Variants in ANKRD10 observed in about 807,000 individuals in gnomAD.
ANKRD10 encodes the protein ankyrin repeat domain 10, also known as ankyrin repeat domain-containing protein 10.
ANKRD10 carries 14 observed loss-of-function variants against 27.0 expected under a neutral mutation model. The observed-to-expected ratio is 0.52, with a 90% CI of 0.34 to 0.81. ANKRD10 has a LOEUF of 0.81. Ranked by LOEUF, ANKRD10 falls within the 40% of genes least tolerant of loss-of-function variation. The pLI is 0.01. For synonymous variants in ANKRD10, 250 were observed against 224.5 expected, an observed-to-expected ratio of 1.11 and a Z score of -1.01; for missense variants, 493 against 544.0, an observed-to-expected ratio of 0.91 and a Z score of 0.93.
intron 2 of ANKRD10, 139 bp from the exon 3 acceptor site, chr13:110,906,263 C>T (rs2138878824): frequency 1.5e-6 from 1 of 673,214 alleles, no homozygotes. Context: ...TGAAGCAGAA[C>T]ACAAAGAAAT....
At chr13:110,897,339 G>C (rs752835814) in intron 3 of ANKRD10, among the ~76,000 whole-genome samples, 1 of 143,802 alleles carries the variant, frequency 7.0e-6, no homozygotes, top group Non-Finnish European at 1.5e-5. Context: ...GCTCAGGCTG[G>C]TCTCAAACTC....
intron 3 of ANKRD10, among the ~76,000 whole-genome samples, chr13:110,897,795 A>G (rs1466485316): frequency 1.3e-5 from 2 of 152,198 alleles, no homozygotes; most frequent in Admixed American, 1.3e-4. Flanking sequence ...TAACGGTTGT[A>G]CAAGTCTACA....
intron 1 of ANKRD10, among the ~76,000 whole-genome samples, chr13:110,914,293 C>G (rs1439123218): frequency 6.6e-6 from 1 of 152,194 alleles, no homozygotes; most frequent in Non-Finnish European, 1.5e-5. Context: ...TCCCCGGAAG[C>G]CGCCTGGGCG....
At chr13:110,900,841 A>G (rs372675416) in intron 3 of ANKRD10, 52 of 446,116 alleles carry the variant, frequency 1.2e-4, no homozygotes, top group African/African-American at 1.0e-3. Flanking sequence ...CATAGACAAC[A>G]TAAGGTGCAG....
chr13:110,883,934 C>G, intron 4 of ANKRD10, 141 bp from the exon 5 acceptor site: 1 of 932,578 alleles, frequency 1.1e-6, no homozygotes, highest in Non-Finnish European at 1.5e-6. Context: ...CACTAATGAG[C>G]TTAGCACACA....
intron 3 of ANKRD10, chr13:110,900,803 T>C: frequency 1.5e-6 from 1 of 652,560 alleles, no homozygotes; most frequent in East Asian, 5.6e-5. Flanking sequence ...GGATCACATA[T>C]TTGCAGGCAA....
chr13:110,895,297 C>G (rs1221100817), intron 3 of ANKRD10: 1 of 152,152 alleles, frequency 6.6e-6, no homozygotes, highest in Non-Finnish European at 1.5e-5. Flanking sequence ...ATCATAAATA[C>G]CATGCTGGGC....
At chr13:110,899,391 A>G (rs1373379728) in intron 3 of ANKRD10, among the ~76,000 whole-genome samples, 3 of 152,174 alleles carry the variant, frequency 2.0e-5, no homozygotes, top group African/African-American at 2.4e-5. Flanking sequence ...GCCTGACCTA[A>G]AACGTGTGTC....
intron 3 of ANKRD10, among the ~76,000 whole-genome samples, chr13:110,896,469 A>T (rs191480569): frequency 1.3e-3 from 194 of 152,316 alleles, no homozygotes; most frequent in Non-Finnish European, 2.4e-3. Flanking sequence ...GAAAGTCCTC[A>T]TTCTCATTTC....
At chr13:110,895,037 G>A (rs113401243) in intron 3 of ANKRD10, 13 of 152,150 alleles carry the variant, frequency 8.5e-5, no homozygotes, top group Admixed American at 3.3e-4. Flanking sequence ...ATTCTGTCAA[G>A]AATGTGAACA....
intron 3 of ANKRD10, chr13:110,894,343 CT>C: frequency 3.3e-6 from 1 of 300,694 alleles, no homozygotes; most frequent in Non-Finnish European, 6.2e-6. Flanking sequence ...AGGCCTTGTG[CT>C]GTGTCACTCA....
At chr13:110,886,216 A>C (rs565447902) in intron 4 of ANKRD10, among the ~76,000 whole-genome samples, 2 of 152,352 alleles carry the variant, frequency 1.3e-5, no homozygotes, top group South Asian at 4.1e-4. Flanking sequence ...GAAACACACT[A>C]GTCTCCCAGC....
At chr13:110,900,707 G>T in intron 3 of ANKRD10, 1 of 1,345,666 alleles carries the variant, frequency 7.4e-7, no homozygotes, top group South Asian at 1.1e-5. Flanking sequence ...GTAAAACATT[G>T]ACATGTGTAG....
Position 110,879,685 on chromosome 13 carries a change from C to T in ANKRD10, c.1215G>A (p.Arg405=). Residue 405 remains arginine, a synonymous_variant, in exon 6 of 6, where the codon CGG becomes CGA. Transcript: ENST00000267339. ...EHSKSVKVQE[R]YDSAVLGTMH... is the part of the protein sequence containing the mutation. ...TGGTGCCCAGCACGGCACTGTCGTACCGCTCCTGCACCTTCACGGACTTGG... is the reference window on the plus strand; with the variant it reads ...TGGTGCCCAGCACGGCACTGTCGTATCGCTCCTGCACCTTCACGGACTTGG... The T allele has an allele frequency of 6.2e-7, 1 of 1,614,104 alleles. No homozygotes were observed. The highest frequency in any genetic ancestry group is 1.3e-5 in the African/African-American group (1 of 75,060).
At chr13:110,892,036 A>G (rs2065088567) in intron 4 of ANKRD10, among the ~76,000 whole-genome samples, 1 of 151,602 alleles carries the variant, frequency 6.6e-6, no homozygotes, top group African/African-American at 2.4e-5. Context: ...ATATAGATAT[A>G]GATGATTTTC....
chr13:110,907,581 G>A (rs1394785834), intron 2 of ANKRD10, among the ~76,000 whole-genome samples: 1 of 152,104 alleles, frequency 6.6e-6, no homozygotes, highest in Non-Finnish European at 1.5e-5. Flanking sequence ...CTTGGTAGAG[G>A]GAAAAGTGTG....
chr13:110,880,177 G>T, intron 5 of ANKRD10, 65 bp from the exon 6 acceptor site: 1 of 1,310,002 alleles, frequency 7.6e-7, no homozygotes, highest in Non-Finnish European at 1.1e-6. Context: ...ACTATAAAAT[G>T]CTTCACTGCC....
chr13:110,912,482 A>G (rs1012992577), intron 1 of ANKRD10, among the ~76,000 whole-genome samples: 2 of 152,234 alleles, frequency 1.3e-5, no homozygotes, highest in African/African-American at 4.8e-5. Context: ...ACAGGTTGCA[A>G]ATCCAATAAA....
intron 5 of ANKRD10, 133 bp downstream of exon 5, chr13:110,883,565 C>T (rs538282281): frequency 1.1e-4 from 162 of 1,412,250 alleles, no homozygotes; most frequent in Admixed American, 3.7e-4. Context: ...ATTCCTGCAA[C>T]GACAGGGGGT....
Sources: gnomAD v4.1 joint callset for allele counts (sites outside exome capture counted in the v4.1 genomes callset) on GRCh38, gnomAD v4.1.1 for gene constraint, MANE v1.5 for transcripts, NCBI Gene and HGNC (gene_info 2026-07-23, HGNC 2026-07-21) for gene names.